Variants in DAAM1 observed in about 807,000 individuals in gnomAD.
The protein encoded by DAAM1 is dishevelled associated activator of morphogenesis 1, also known as disheveled-associated activator of morphogenesis 1.
In DAAM1, 52 loss-of-function variants were observed where a neutral mutation model predicts 130.0. That is an observed-to-expected ratio of 0.40 (90% CI 0.32 to 0.50). The LOEUF is 0.50. DAAM1 is among the 20% of genes least tolerant of loss of function. The pLI is 0.61. For synonymous variants in DAAM1, 452 were observed against 444.5 expected, an observed-to-expected ratio of 1.02 and a Z score of -0.21; for missense variants, 1,134 against 1,303.8, an observed-to-expected ratio of 0.87 and a Z score of 2.01.
intron 1 of DAAM1, among the ~76,000 whole-genome samples, chr14:59,232,467 A>C (rs976104728): frequency 4.6e-5 from 7 of 152,250 alleles, no homozygotes; most frequent in African/African-American, 1.4e-4. Context: ...GACATTAACA[A>C]AGGAGATGGA....
At chr14:59,362,204 GTGT>G (rs900635877) in intron 22 of DAAM1, 57 of 151,960 alleles carry the variant, frequency 3.8e-4, no homozygotes, top group African/African-American at 1.3e-3. Context: ...GGGAAATTTT[GTGT>G]TGTTGCTTTA....
chr14:59,272,143 A>G (rs1167572770), intron 2 of DAAM1, among the ~76,000 whole-genome samples: 4 of 152,250 alleles, frequency 2.6e-5, no homozygotes, highest in African/African-American at 9.6e-5. Context: ...GAATCTAATG[A>G]GGGAATTGAT....
At chr14:59,344,279 A>C (rs1174222753) in intron 16 of DAAM1, among the ~76,000 whole-genome samples, 1 of 152,216 alleles carries the variant, frequency 6.6e-6, no homozygotes, top group Non-Finnish European at 1.5e-5. Flanking sequence ...TCCTTAACTT[A>C]TTTTAATTAC....
At position 59,220,143 on chromosome 14, in the gene DAAM1, TG is replaced by T. The variant is rs1339781138; in HGVS notation, c.-38+31376del. On this transcript the variant is annotated intron_variant, in intron 1 of 24. Coordinates refer to ENST00000360909, the MANE Select transcript of DAAM1 (RefSeq NM_001270520.2). The stretch of plus-strand genomic sequence containing the variant: ...TTCAAGGTCTCTCATCCCAAGATTT[TG>T]TTTTGCCAGAAGCTTCTGGCAGGAA... 3.3e-5 allele frequency among the ~76,000 whole-genome samples: 5 copies of T among 152,186 alleles called. No homozygotes were observed. In the East Asian group the frequency reaches 9.6e-4, roughly 29 times the overall value.
intron 2 of DAAM1, among the ~76,000 whole-genome samples, chr14:59,269,784 G>A (rs759814772): frequency 2.6e-5 from 4 of 152,138 alleles, no homozygotes; most frequent in Admixed American, 2.6e-4. Flanking sequence ...AAAGAAAAGA[G>A]TGTTACAGAC....
intron 1 of DAAM1, among the ~76,000 whole-genome samples, chr14:59,199,388 G>A (rs904884732): frequency 5.3e-5 from 8 of 152,136 alleles, no homozygotes; most frequent in Admixed American, 6.5e-5. Flanking sequence ...GCATGCAACC[G>A]TGCAGGGCTG....
intron 1 of DAAM1, among the ~76,000 whole-genome samples, chr14:59,257,378 T>TAAA: frequency 6.9e-6 from 1 of 145,804 alleles, no homozygotes. Flanking sequence ...AAATGGACAT[T>TAAA]AAAAAAAAAA....
In DAAM1 at chr14:59,322,988, T is replaced by C; in HGVS notation, c.537T>C (p.Thr179=). The C allele has an allele frequency of 6.2e-7, 1 of 1,614,158 alleles. No individual in the cohort carries two copies. Among genetic ancestry groups the C allele is most frequent in the Non-Finnish European group, 8.5e-7 (1 of 1,180,018 alleles). ...DYETSESRIH[T]SLIGCIKALM... Reference sequence around the variant, plus strand: ...AGACCTCAGAGTCTCGAATACATACTTCTCTCATTGGCTGTATAAAGGCGT... The same window carrying C: ...AGACCTCAGAGTCTCGAATACATACCTCTCTCATTGGCTGTATAAAGGCGT... Residue 179 remains threonine, a synonymous_variant, in exon 6 of 25, where the codon ACT becomes ACC. Transcript: ENST00000360909.
At chr14:59,338,338 C>T in intron 15 of DAAM1, 2 of 1,602,598 alleles carry the variant, frequency 1.2e-6, no homozygotes, top group South Asian at 2.2e-5. Context: ...GACTTCTGAA[C>T]TGCATATATC....
chr14:59,367,614 A>C lies in DAAM1; in HGVS notation c.2997+15A>C. On this transcript the variant is annotated intron_variant, in intron 24 of 24. Coordinates refer to ENST00000360909, the MANE Select transcript of DAAM1 (RefSeq NM_001270520.2). ...TGGAAGCTCAGGTGAGAGGATGATT[A>C]ATTGACCAATTCCACCTCCTAGAAG... The C allele has an allele frequency of 6.2e-7, 1 of 1,608,548 alleles. No individual in the cohort carries two copies. Among genetic ancestry groups the C allele is most frequent in the Non-Finnish European group, 8.5e-7 (1 of 1,176,958 alleles).
intron 1 of DAAM1, among the ~76,000 whole-genome samples, chr14:59,191,787 C>A (rs948021852): frequency 2.0e-5 from 3 of 152,080 alleles, no homozygotes; most frequent in Non-Finnish European, 4.4e-5. Flanking sequence ...GGGAGAGACA[C>A]CAAGAGAAAG....
At position 59,360,830 on chromosome 14, in the gene DAAM1, A is replaced by T; in HGVS notation, c.2662A>T (p.Thr888Ser). The T allele has an allele frequency of 6.2e-7, 1 of 1,614,024 alleles. No individual in the cohort carries two copies. The highest frequency in any genetic ancestry group is 2.2e-5 in the East Asian group (1 of 44,864). ...GACTGAGCTGGACAAAGAAATAAGT[A>T]CCTTGAGAAGTGGCTTGAAAGCAGT... The part of the protein sequence containing the change: ...NMTELDKEIS[T>S]LRSGLKAVET... The change falls in exon 22 of 25, where the codon ACC becomes TCC. Residue 888 changes from threonine to serine, a missense_variant. Around this residue, in one of 3 missense-constraint regions of DAAM1, gnomAD observed 644 missense variants for 695.9 expected, o/e 0.93. Coordinates refer to ENST00000360909, the MANE Select transcript of DAAM1 (RefSeq NM_001270520.2).
chr14:59,195,891 T>G (rs931695084), intron 1 of DAAM1, among the ~76,000 whole-genome samples: 1 of 152,188 alleles, frequency 6.6e-6, no homozygotes, highest in African/African-American at 2.4e-5. Context: ...TATCTTTTTT[T>G]TTTTTAAATT....
chr14:59,216,652 A>T (rs2139420005), intron 1 of DAAM1, among the ~76,000 whole-genome samples: 1 of 152,180 alleles, frequency 6.6e-6, no homozygotes, highest in South Asian at 2.1e-4. Context: ...ACTGGGAGGC[A>T]GAGGTTGCAG....
chr14:59,266,173 A>G (rs549590208), intron 2 of DAAM1: 5 of 152,246 alleles, frequency 3.3e-5, no homozygotes, highest in Admixed American at 2.6e-4. Flanking sequence ...AAAAAAAGAA[A>G]AAAAAAAGTC....
chr14:59,196,712 C>A (rs1887906682), intron 1 of DAAM1, among the ~76,000 whole-genome samples: 2 of 151,942 alleles, frequency 1.3e-5, no homozygotes, highest in Admixed American at 1.3e-4. Flanking sequence ...CACTGCACTC[C>A]AGCCTGGGTG....
chr14:59,313,301 T>G (rs539632920), intron 3 of DAAM1, among the ~76,000 whole-genome samples: 1 of 152,218 alleles, frequency 6.6e-6, no homozygotes, highest in Non-Finnish European at 1.5e-5. Flanking sequence ...ATCACGTTAG[T>G]ACATTTACAA....
At chr14:59,296,929 G>A (rs983353302) in intron 3 of DAAM1, among the ~76,000 whole-genome samples, 5 of 152,208 alleles carry the variant, frequency 3.3e-5, no homozygotes, top group Admixed American at 3.3e-4. Flanking sequence ...AGTCAGTGCA[G>A]GGGAAGACTA....
intron 1 of DAAM1, among the ~76,000 whole-genome samples, chr14:59,246,706 G>A (rs887335243): frequency 1.3e-5 from 2 of 152,058 alleles, no homozygotes; most frequent in Admixed American, 6.5e-5. Context: ...CCTTGCCAAC[G>A]CTTGTTATTT....
Sources: gnomAD v4.1 joint callset for allele counts (sites outside exome capture counted in the v4.1 genomes callset) on GRCh38, gnomAD v4.1.1 for gene constraint, gnomAD v4.1.1 regional missense constraint, MANE v1.5 for transcripts, NCBI Gene and HGNC (gene_info 2026-07-23, HGNC 2026-07-21) for gene names.